Variants in GRM8 observed in about 807,000 individuals in gnomAD.
GRM8 encodes the protein metabotropic glutamate receptor 8.
GRM8 carries 47 observed loss-of-function variants against 87.2 expected under a neutral mutation model. The ratio of observed to expected loss-of-function variants is 0.54; its 90% CI spans 0.43 to 0.69. The LOEUF is 0.69. GRM8 is among the 30% of genes least tolerant of loss of function. The pLI, the probability that GRM8 is intolerant of heterozygous loss-of-function variation, is 0.00. For synonymous variants in GRM8, 396 were observed against 404.5 expected (o/e 0.98, Z 0.25); for missense variants, 1,019 against 1,139.2 (o/e 0.89, Z 1.52).
intron 6 of GRM8, among the ~76,000 whole-genome samples, chr7:126,849,965 A>T (rs1236279208): frequency 6.6e-6 from 1 of 152,128 alleles, no homozygotes; most frequent in African/African-American, 2.4e-5. Context: ...TGTTTCTCCC[A>T]TCTTAATGCA....
chr7:126,865,701 T>A (rs1798537187), intron 6 of GRM8, among the ~76,000 whole-genome samples: 1 of 152,252 alleles, frequency 6.6e-6, no homozygotes, highest in Non-Finnish European at 1.5e-5. Flanking sequence ...CTTTGTGACT[T>A]GTTTGCTTTC....
At chr7:127,058,494 C>CT (rs1357960896) in intron 3 of GRM8, among the ~76,000 whole-genome samples, 2 of 152,068 alleles carry the variant, frequency 1.3e-5, no homozygotes, top group African/African-American at 2.4e-5. Flanking sequence ...TTAGTTCCTC[C>CT]TTTTTTTCCC....
At chr7:126,599,572 G>A (rs1341780407) in intron 8 of GRM8, among the ~76,000 whole-genome samples, 2 of 152,058 alleles carry the variant, frequency 1.3e-5, no homozygotes, top group Non-Finnish European at 2.9e-5. Flanking sequence ...AGAACGGAAG[G>A]TAAGAGTCAG....
intron 10 of GRM8, among the ~76,000 whole-genome samples, chr7:126,444,958 C>T (rs896580806): frequency 6.6e-6 from 1 of 151,638 alleles, no homozygotes; most frequent in African/African-American, 2.4e-5. Flanking sequence ...CCAGCCTGGG[C>T]AACAGAGTGA....
intron 7 of GRM8, among the ~76,000 whole-genome samples, chr7:126,737,641 T>G (rs987125633): frequency 2.0e-5 from 3 of 152,056 alleles, no homozygotes; most frequent in Non-Finnish European, 2.9e-5. Context: ...AATTTTTCCA[T>G]TCCCTTCCTG....
At chr7:126,467,648 G>A (rs1012642261) in intron 9 of GRM8, among the ~76,000 whole-genome samples, 1 of 151,856 alleles carries the variant, frequency 6.6e-6, no homozygotes, top group South Asian at 2.1e-4. Context: ...TCTTAATAAT[G>A]CATTACTACA....
At chr7:126,884,598 T>C (rs1800320213) in intron 6 of GRM8, among the ~76,000 whole-genome samples, 1 of 152,156 alleles carries the variant, frequency 6.6e-6, no homozygotes, top group Admixed American at 6.6e-5. Context: ...AAAAAACATA[T>C]AATGTCCTGT....
intron 6 of GRM8, among the ~76,000 whole-genome samples, chr7:126,771,743 T>G (rs1210655252): frequency 2.0e-5 from 3 of 152,110 alleles, no homozygotes; most frequent in African/African-American, 7.2e-5. Flanking sequence ...GCTGCTTCCA[T>G]ATCAAACAAT....
At chr7:126,768,927 C>CAAAAAAAAAAAAAAACA (rs775753477) in intron 7 of GRM8, among the ~76,000 whole-genome samples, 17 of 98,842 alleles carry the variant, frequency 1.7e-4, no homozygotes, top group Admixed American at 1.0e-3. Context: ...AGGAAAAATG[C>CAAAAAAAAAAAAAAACA]AAAAAAAAAA....
chr7:126,925,609 C>T (rs1805020722), intron 3 of GRM8, among the ~76,000 whole-genome samples: 1 of 152,088 alleles, frequency 6.6e-6, no homozygotes, highest in East Asian at 1.9e-4. Flanking sequence ...CAGTCTTTAT[C>T]CACAAAAATC....
chr7:127,114,097 TC>T (rs1397196121), intron 2 of GRM8, among the ~76,000 whole-genome samples: 1 of 152,312 alleles, frequency 6.6e-6, no homozygotes, highest in South Asian at 2.1e-4. Flanking sequence ...TAGTATTCCT[TC>T]CCCAAATCAG....
intron 3 of GRM8, among the ~76,000 whole-genome samples, chr7:126,915,463 C>T (rs2131322417): frequency 6.6e-6 from 1 of 152,316 alleles, no homozygotes; most frequent in Admixed American, 6.5e-5. Context: ...AAATTTCATT[C>T]TCCAAGTATA....
At chr7:127,006,989 C>G (rs538463138) in intron 3 of GRM8, among the ~76,000 whole-genome samples, 5 of 152,068 alleles carry the variant, frequency 3.3e-5, no homozygotes, top group African/African-American at 9.6e-5. Flanking sequence ...TTTTACGTAG[C>G]CAGCCTCAGT....
intron 8 of GRM8, among the ~76,000 whole-genome samples, chr7:126,606,580 G>A (rs1477405705): frequency 1.3e-5 from 2 of 152,066 alleles, no homozygotes; most frequent in Non-Finnish European, 2.9e-5. Context: ...CAACTCCTAA[G>A]GATAAAAGTC....
At chr7:127,125,016 G>A (rs1445177120) in intron 2 of GRM8, among the ~76,000 whole-genome samples, 3 of 152,044 alleles carry the variant, frequency 2.0e-5, no homozygotes, top group Non-Finnish European at 4.4e-5. Context: ...ACGTGATAAT[G>A]GACATCTGTT....
At chr7:127,005,925 C>T (rs1814243395) in intron 3 of GRM8, among the ~76,000 whole-genome samples, 1 of 151,744 alleles carries the variant, frequency 6.6e-6, no homozygotes, top group Non-Finnish European at 1.5e-5. Context: ...AAAGACCTCC[C>T]CACCACCCAG....
chr7:126,807,306 G>A (rs1055732757), intron 6 of GRM8, among the ~76,000 whole-genome samples: 1 of 151,210 alleles, frequency 6.6e-6, no homozygotes, highest in Admixed American at 6.6e-5. Flanking sequence ...AGGCTACTTC[G>A]ACTTGAAAAA....
chr7:126,596,947 G>A (rs1797259640), intron 8 of GRM8, among the ~76,000 whole-genome samples: 1 of 152,038 alleles, frequency 6.6e-6, no homozygotes. Flanking sequence ...CAATAAAAAT[G>A]ATTTTATAAC....
At chr7:126,830,153 A>G (rs1179312457) in intron 6 of GRM8, among the ~76,000 whole-genome samples, 6 of 151,720 alleles carry the variant, frequency 4.0e-5, no homozygotes, top group African/African-American at 4.8e-5. Flanking sequence ...CTTCATTTCA[A>G]CTTTGGTGAA....
Sources: allele counts gnomAD v4.1 joint callset (sites outside exome capture counted in the v4.1 genomes callset), GRCh38; gene constraint gnomAD v4.1.1; transcripts MANE v1.5; gene names NCBI Gene and HGNC (gene_info 2026-07-23, HGNC 2026-07-21).